Variants in NBPF9 observed in about 807,000 individuals in gnomAD.
NBPF9 encodes NBPF family member NBPF9.
Under a neutral mutation model 97.8 loss-of-function variants are expected in NBPF9, and 91 were observed. That is an observed-to-expected ratio of 0.93 (90% CI 0.79 to 1.11). The LOEUF is 1.11. NBPF9 is among the 50% of genes least tolerant of loss of function. The pLI is 0.00. For missense variants in NBPF9, 992 were observed against 939.5 expected, an observed-to-expected ratio of 1.06 and a Z score of -0.73; for synonymous variants, 334 against 359.5, an observed-to-expected ratio of 0.93 and a Z score of 0.80.
intron 14 of NBPF9, 101 bp downstream of exon 14, chr1:149,072,617 A>G (rs1293357429): frequency 2.0e-6 from 3 of 1,474,344 alleles, no homozygotes; most frequent in South Asian, 1.1e-5. Flanking sequence ...AGCTTAGTGG[A>G]AAAAAACACC....
intron 26 of NBPF9, 47 bp downstream of exon 26, chr1:149,058,878 C>G (rs1402936837): frequency 3.0e-6 from 2 of 658,232 alleles, no homozygotes; most frequent in East Asian, 5.3e-5. Flanking sequence ...TCACCCCTAT[C>G]TGGAAGACCA....
chr1:149,075,601 G>T lies in NBPF9; in HGVS notation c.988+54C>A. 4.0e-6 allele frequency: 6 copies of T among 1,494,920 alleles called. 1 individual carries two copies. The highest frequency in any genetic ancestry group is 5.6e-6 in the Non-Finnish European group (6 of 1,077,050). 92.6% of individuals were successfully genotyped at this position (1,494,920 alleles called of 1,614,324 possible). A position where few individuals can be genotyped will look rare whatever the true frequency, so the allele number is the denominator to read the frequency against. On this transcript the variant is annotated intron_variant, in intron 12 of 29. Coordinates refer to ENST00000584027, the Ensembl canonical transcript of NBPF9. ...TGGAGAGAGCACTTAGTTCCTCAGA[G>T]AGAAGACAGGACGTCGTTCATCACT...
intron 19 of NBPF9, 104 bp downstream of exon 19, chr1:149,064,327 T>G (rs1444912783): frequency 1.3e-6 from 1 of 777,068 alleles, no homozygotes; most frequent in African/African-American, 2.7e-5. Context: ...TTCATACTTG[T>G]CTGACAAGAC....
At chr1:149,073,774 T>C in exon 13 of NBPF9, 2 of 1,580,920 alleles carry the variant, frequency 1.3e-6, no homozygotes, top group Non-Finnish European at 1.7e-6. Flanking sequence ...TCACCTGAGC[T>C]CCTCAGCTTG....
intron 11 of NBPF9, among the ~76,000 whole-genome samples, chr1:149,076,093 TAC>T (rs2079842878): frequency 6.6e-6 from 1 of 152,116 alleles, no homozygotes; most frequent in Admixed American, 6.5e-5. Context: ...TTCTTGCTTA[TAC>T]GTTTCTATAA....
chr1:149,080,995 G>A (rs2080383543), intron 7 of NBPF9, among the ~76,000 whole-genome samples: 1 of 151,722 alleles, frequency 6.6e-6, no homozygotes, highest in East Asian at 1.9e-4. Context: ...ACACTGCACT[G>A]CTGCTTCCAC....
At chr1:149,072,752 T>C in exon 14 of NBPF9, 1 of 1,608,554 alleles carries the variant, frequency 6.2e-7, no homozygotes, top group Non-Finnish European at 8.5e-7. Context: ...GCTGTGCCAG[T>C]CTACACCCCT....
intron 19 of NBPF9, among the ~76,000 whole-genome samples, 156 bp from the exon 20 acceptor site, chr1:149,063,961 C>G (rs1271577571): frequency 7.0e-6 from 1 of 142,998 alleles, no homozygotes; most frequent in South Asian, 2.3e-4. Context: ...TTGGGATAGA[C>G]TAGGGCCAGG....
chr1:149,075,584 G>A, intron 12 of NBPF9, 71 bp downstream of exon 12: 2 of 1,400,482 alleles, frequency 1.4e-6, no homozygotes, highest in South Asian at 1.1e-5. Context: ...GATGGAGAGA[G>A]CACTTAGTTC....
chr1:149,082,872 C>G (rs1184766146), intron 5 of NBPF9, among the ~76,000 whole-genome samples: 3 of 148,748 alleles, frequency 2.0e-5, no homozygotes, highest in Non-Finnish European at 4.5e-5. Flanking sequence ...CTCTGCCTCC[C>G]AGGTTCACGC....
intron 4 of NBPF9, among the ~76,000 whole-genome samples, chr1:149,094,112 G>A (rs1210967253): frequency 6.6e-6 from 1 of 151,972 alleles, no homozygotes; most frequent in African/African-American, 2.4e-5. Flanking sequence ...TCGAGCCCAA[G>A]GAAAAGAGAA....
chr1:149,076,763 C>G (rs1446102985), intron 11 of NBPF9, among the ~76,000 whole-genome samples: 1 of 151,008 alleles, frequency 6.6e-6, no homozygotes, highest in Admixed American at 6.6e-5. Context: ...CCACCTCGGC[C>G]TCCCAAAGTG....
chr1:149,071,501 G>C, intron 15 of NBPF9, 103 bp downstream of exon 15: 1 of 1,171,534 alleles, frequency 8.5e-7, no homozygotes. Context: ...GTGGCCAAGC[G>C]AATGCGGGTT....
Position 149,089,486 on chromosome 1 carries a change from A to AC in NBPF9, c.-195+1266dup, listed in dbSNP as rs1395522066. Among the ~76,000 whole-genome samples the AC allele has an allele frequency of 2.1e-5, 3 of 142,486 alleles. No homozygotes were observed. In the Admixed American group the frequency reaches 2.1e-4, roughly 10 times the overall value. The allele number at this position is 142,486 out of a possible 152,430, so 93.5% of individuals were successfully genotyped here. A position where few individuals can be genotyped will look rare whatever the true frequency, so the allele number is the denominator to read the frequency against. ...GGTGCCCCCATTGCTAAACCTAACTACAAGTGTGCACACAGGGGAGCCAGG... is the reference window on the plus strand; with the variant it reads ...GGTGCCCCCATTGCTAAACCTAACTACCAAGTGTGCACACAGGGGAGCCAGG... On this transcript the variant is annotated intron_variant, in intron 5 of 29. Transcript: ENST00000584027.
chr1:149,072,665 G>T, intron 14 of NBPF9, 53 bp downstream of exon 14: 1 of 1,576,166 alleles, frequency 6.3e-7, no homozygotes. Flanking sequence ...TGGAGGTCTG[G>T]AGCCTCTCAT....
intron 15 of NBPF9, 104 bp downstream of exon 15, chr1:149,071,500 C>G (rs587724761): frequency 5.1e-6 from 6 of 1,175,802 alleles, no homozygotes; most frequent in Non-Finnish European, 7.5e-6. Context: ...TGTGGCCAAG[C>G]GAATGCGGGT....
At chr1:149,055,602 G>A (rs587711259) in exon 30 of NBPF9, 34 of 1,599,146 alleles carry the variant, frequency 2.1e-5, no homozygotes, top group East Asian at 1.1e-4. Flanking sequence ...AAAACTTCAC[G>A]TGCCTATAGG....
intron 4 of NBPF9, among the ~76,000 whole-genome samples, chr1:149,093,068 G>A (rs868940966): frequency 1.3e-5 from 2 of 151,910 alleles, no homozygotes; most frequent in Admixed American, 6.6e-5. Context: ...GATCATTATC[G>A]GGCATTTCTG....
At chr1:149,074,474 GAACT>G (rs1298903478) in intron 12 of NBPF9, among the ~76,000 whole-genome samples, 5 of 151,510 alleles carry the variant, frequency 3.3e-5, no homozygotes, top group East Asian at 1.9e-4. Flanking sequence ...GCAGAATGAA[GAACT>G]AATAGATAGT....
Sources: allele counts gnomAD v4.1 joint callset (sites outside exome capture counted in the v4.1 genomes callset), GRCh38; gene constraint gnomAD v4.1.1; transcripts MANE v1.5; gene names NCBI Gene and HGNC (gene_info 2026-07-23, HGNC 2026-07-21).